SCFD2: variants seen among roughly 807,000 people sequenced by gnomAD.
SCFD2 encodes sec1 family domain containing 2, also known as sec1 family domain-containing protein 2.
SCFD2 carries 54 observed loss-of-function variants against 58.9 expected under a neutral mutation model. The ratio of observed to expected loss-of-function variants is 0.92; its 90% CI spans 0.74 to 1.15. SCFD2 has a LOEUF of 1.15. SCFD2 is among the 50% of genes most tolerant of loss of function. The probability of loss-of-function intolerance (pLI) is 0.00; values close to 1 mark genes in which losing one functional copy is unlikely to be tolerated. For missense variants in SCFD2, 805 were observed against 836.6 expected, an observed-to-expected ratio of 0.96 and a Z score of 0.47; for synonymous variants, 321 against 335.9, an observed-to-expected ratio of 0.96 and a Z score of 0.49.
At chr4:53,357,745 G>C (rs1422671303) in intron 1 of SCFD2, among the ~76,000 whole-genome samples, 1 of 152,198 alleles carries the variant, frequency 6.6e-6, no homozygotes, top group East Asian at 1.9e-4. Flanking sequence ...AAAAAAATCA[G>C]ACACTTTTCT....
chr4:52,904,357 C>A (rs1404562527), intron 7 of SCFD2, among the ~76,000 whole-genome samples: 5 of 152,168 alleles, frequency 3.3e-5, no homozygotes. Flanking sequence ...GGTGGGTCTT[C>A]AGTGAGAAGT....
At chr4:53,035,847 G>A (rs1468453348) in intron 5 of SCFD2, among the ~76,000 whole-genome samples, 1 of 152,124 alleles carries the variant, frequency 6.6e-6, no homozygotes, top group African/African-American at 2.4e-5. Context: ...GGAGGGTGTG[G>A]AGAAATAGGA....
intron 5 of SCFD2, among the ~76,000 whole-genome samples, chr4:53,144,403 A>ATG (rs1726260030): frequency 6.7e-6 from 1 of 149,846 alleles, no homozygotes; most frequent in African/African-American, 2.4e-5. Context: ...ATACATATAC[A>ATG]TGTATATATA....
chr4:53,086,929 G>A (rs1053860622), intron 5 of SCFD2, among the ~76,000 whole-genome samples: 1 of 151,946 alleles, frequency 6.6e-6, no homozygotes, highest in Non-Finnish European at 1.5e-5. Flanking sequence ...TTAATATGTA[G>A]GAAAAAAGAT....
At position 53,346,394 on chromosome 4, in the gene SCFD2, C is replaced by T. The variant is rs564258669; in HGVS notation, c.1007+6204G>A. ...GGTTCAAGCGATTCTTCTGCCTCAG[C>T]CCCCCAAGTAGCTGAGATTACAGGT... On this transcript the variant is annotated intron_variant, in intron 2 of 8. Coordinates refer to ENST00000401642, the MANE Select transcript of SCFD2 (RefSeq NM_152540.4). 3.3e-5 allele frequency among the ~76,000 whole-genome samples: 5 copies of T among 151,820 alleles called. No individual in the cohort carries two copies. In the South Asian group the frequency reaches 1.0e-3, roughly 32 times the overall value.
At chr4:53,188,350 G>T (rs1727794959) in intron 4 of SCFD2, among the ~76,000 whole-genome samples, 1 of 151,904 alleles carries the variant, frequency 6.6e-6, no homozygotes, top group Non-Finnish European at 1.5e-5. Flanking sequence ...CTTGGTTACA[G>T]CTAAGGGAAC....
intron 3 of SCFD2, among the ~76,000 whole-genome samples, chr4:53,276,751 T>C (rs1731340123): frequency 6.6e-6 from 1 of 152,214 alleles, no homozygotes; most frequent in Non-Finnish European, 1.5e-5. Context: ...TATAAGAAAT[T>C]GGCAAACTGA....
At chr4:53,249,400 G>C (rs1213933942) in intron 4 of SCFD2, among the ~76,000 whole-genome samples, 1 of 152,212 alleles carries the variant, frequency 6.6e-6, no homozygotes, top group Non-Finnish European at 1.5e-5. Context: ...TTATCCAGGA[G>C]AACTTCCCCA....
chr4:52,876,984 G>C (rs554930783), intron 8 of SCFD2, among the ~76,000 whole-genome samples: 12 of 152,122 alleles, frequency 7.9e-5, no homozygotes, highest in Non-Finnish European at 1.5e-4. Context: ...ATTCCTCTCT[G>C]GCTGGGGTGA....
chr4:52,981,841 G>C (rs368826094), intron 5 of SCFD2, among the ~76,000 whole-genome samples: 78 of 152,244 alleles, frequency 5.1e-4, no homozygotes, highest in African/African-American at 1.7e-3. Flanking sequence ...GCTAGGATCT[G>C]GTCTGTGTTA....
intron 2 of SCFD2, among the ~76,000 whole-genome samples, chr4:53,327,987 C>A (rs951767952): frequency 1.3e-5 from 2 of 151,672 alleles, no homozygotes; most frequent in African/African-American, 4.8e-5. Flanking sequence ...AAAAAAGAAA[C>A]AGCCAGGCAT....
chr4:52,961,475 G>A (rs1299518318), intron 5 of SCFD2, among the ~76,000 whole-genome samples: 1 of 152,108 alleles, frequency 6.6e-6, no homozygotes, highest in African/African-American at 2.4e-5. Context: ...ATTTTAATCC[G>A]CTTTTTAAAA....
At chr4:53,249,619 C>G (rs1178145235) in intron 4 of SCFD2, among the ~76,000 whole-genome samples, 1 of 152,182 alleles carries the variant, frequency 6.6e-6, no homozygotes, top group Non-Finnish European at 1.5e-5. Flanking sequence ...GGCAAAAACT[C>G]TACAAGCCAG....
intron 4 of SCFD2, among the ~76,000 whole-genome samples, chr4:53,153,649 T>C (rs1577782365): frequency 1.3e-5 from 2 of 152,218 alleles, no homozygotes; most frequent in East Asian, 3.9e-4. Flanking sequence ...ATCTCTCTAG[T>C]AAGTTGTTGC....
chr4:53,312,841 TA>T (rs1220937559), intron 3 of SCFD2, among the ~76,000 whole-genome samples: 1 of 152,070 alleles, frequency 6.6e-6, no homozygotes, highest in Non-Finnish European at 1.5e-5. Context: ...AAGAGAAAAA[TA>T]AAATTTTGCA....
intron 1 of SCFD2, among the ~76,000 whole-genome samples, chr4:53,354,232 G>A (rs1351004628): frequency 1.6e-4 from 24 of 152,236 alleles, no homozygotes; most frequent in Admixed American, 1.2e-3. Flanking sequence ...CCTGCCCCGC[G>A]GGGAGGTGGC....
chr4:52,886,131 T>C (rs1718734527), intron 7 of SCFD2, among the ~76,000 whole-genome samples: 1 of 152,230 alleles, frequency 6.6e-6, no homozygotes, highest in African/African-American at 2.4e-5. Flanking sequence ...GATTGATCCC[T>C]ACCCTTCACC....
At chr4:53,162,021 A>G (rs1413544052) in intron 4 of SCFD2, among the ~76,000 whole-genome samples, 1 of 152,170 alleles carries the variant, frequency 6.6e-6, no homozygotes, top group East Asian at 1.9e-4. Context: ...AAATATGCAT[A>G]CTTCTCCAGC....
chr4:53,170,162 T>C (rs1389276855), intron 4 of SCFD2, among the ~76,000 whole-genome samples: 1 of 152,184 alleles, frequency 6.6e-6, no homozygotes, highest in Admixed American at 6.5e-5. Context: ...TGGTTTCAGG[T>C]CTAACATTTA....
Sources: allele counts gnomAD v4.1 joint callset (sites outside exome capture counted in the v4.1 genomes callset), GRCh38; gene constraint gnomAD v4.1.1; transcripts MANE v1.5; gene names NCBI Gene and HGNC (gene_info 2026-07-23, HGNC 2026-07-21).